The following NELFA variants were observed in gnomAD, a reference collection of about 807,000 sequenced individuals.
NELFA encodes the protein negative elongation factor A.
A neutral mutation model predicts 51.8 loss-of-function variants in NELFA; 35 were observed. The observed-to-expected ratio is 0.68, with a 90% CI of 0.52 to 0.90. The LOEUF (loss-of-function observed/expected upper bound fraction) is 0.90. NELFA is among the 40% of genes least tolerant of loss of function. The pLI, the probability that NELFA is intolerant of heterozygous loss-of-function variation, is 0.00. For missense variants in NELFA, 658 were observed against 746.4 expected (o/e 0.88, Z 1.38); for synonymous variants, 417 against 338.4 (o/e 1.23, Z -2.55).
chr4:1,997,112 AAAAC>A (rs1227282899), intron 1 of NELFA, among the ~76,000 whole-genome samples: 1 of 152,152 alleles, frequency 6.6e-6, no homozygotes, highest in East Asian at 1.9e-4. Context: ...ACTATGCATT[AAAAC>A]AAACAAAAAA....
At position 1,989,733 on chromosome 4, in the gene NELFA, C is replaced by A. The variant is rs1325336074; in HGVS notation, c.519G>T (p.Thr173=). 3.0e-5 allele frequency: 48 copies of A among 1,613,920 alleles called. No individual in the cohort carries two copies. Among genetic ancestry groups the A allele is most frequent in the East Asian group, 6.7e-5 (3 of 44,902 alleles). Reference sequence around the variant, plus strand: ...ACTTCTGCAGCAGCTCCGCCCGCAGCGTGGCGCTCTTGGGTTTCCGCTTTA... The same window carrying A: ...ACTTCTGCAGCAGCTCCGCCCGCAGAGTGGCGCTCTTGGGTTTCCGCTTTA... ...FQLKRKPKSA[T]LRAELLQKST... The change falls in exon 3 of 11, where the codon ACG becomes ACT. Residue 173 remains threonine, a synonymous_variant. Coordinates refer to ENST00000382882, the MANE Select transcript of NELFA (RefSeq NM_005663.5). This position sits in a 1 kb window ranked among gnomAD's most constrained non-coding sequence, Gnocchi z 4.8.
At chr4:1,988,946 GTTTTT>G (rs35323893) in intron 3 of NELFA, among the ~76,000 whole-genome samples, 2 of 136,680 alleles carry the variant, frequency 1.5e-5, no homozygotes, top group African/African-American at 2.7e-5. Context: ...AAGTTGGTGG[GTTTTT>G]TTTTTTTTTT....
At chr4:1,998,462 C>G (rs1051740580) in intron 1 of NELFA, among the ~76,000 whole-genome samples, 3 of 152,114 alleles carry the variant, frequency 2.0e-5, no homozygotes, top group African/African-American at 7.2e-5. Flanking sequence ...CATAAATGAC[C>G]TGATGAAGCT....
intron 1 of NELFA, among the ~76,000 whole-genome samples, chr4:1,996,718 G>A (rs1728432541): frequency 6.6e-6 from 1 of 152,226 alleles, no homozygotes. Flanking sequence ...GATCACTTGA[G>A]GTCAGGAGCT....
In NELFA at chr4:1,986,097, C is replaced by T; in HGVS notation, c.835+17G>A. 6.5e-7 allele frequency: 1 copy of T among 1,549,580 alleles called. No homozygotes were observed. The highest frequency in any genetic ancestry group is 1.2e-5 in the South Asian group (1 of 84,004). On this transcript the variant is annotated intron_variant, in intron 6 of 10. Coordinates refer to ENST00000382882, the MANE Select transcript of NELFA (RefSeq NM_005663.5). ...AGGGACCCCCATTGCCGCCGACACG[C>T]AGGCCCCAACCCCCACCGAGAGTCT... is the stretch of plus-strand genomic sequence containing the variant.
intron 1 of NELFA, among the ~76,000 whole-genome samples, chr4:1,999,376 T>C (rs989140109): frequency 6.6e-6 from 1 of 151,928 alleles, no homozygotes; most frequent in Non-Finnish European, 1.5e-5. Flanking sequence ...TCAAGACCCA[T>C]TGGTGTGCTG....
intron 1 of NELFA, among the ~76,000 whole-genome samples, chr4:1,992,996 G>C (rs1011235322): frequency 6.6e-6 from 1 of 152,206 alleles, no homozygotes; most frequent in Non-Finnish European, 1.5e-5. Context: ...CGAGCTGAGT[G>C]CGCGATGCGG....
chr4:1,985,417 T>A (rs1459907257), intron 7 of NELFA, among the ~76,000 whole-genome samples: 1 of 152,030 alleles, frequency 6.6e-6, no homozygotes, highest in Non-Finnish European at 1.5e-5. Flanking sequence ...CACTGAGGCC[T>A]CTGACCACCC....
intron 7 of NELFA, 68 bp from the exon 8 acceptor site, chr4:1,984,987 C>T (rs1437800605): frequency 1.4e-5 from 16 of 1,151,912 alleles, no homozygotes; most frequent in African/African-American, 7.7e-5. Flanking sequence ...ACACATGGCC[C>T]GACCCGGAGC....
In NELFA at chr4:1,985,833, C is replaced by T. The variant is rs1274225653; in HGVS notation, c.867G>A (p.Glu289=). 1.2e-6 allele frequency: 2 copies of T among 1,613,370 alleles called. No homozygotes were observed. The highest frequency in any genetic ancestry group is 1.1e-5 in the South Asian group (1 of 91,026). The part of the protein sequence containing the change: ...DAEVVEKPAK[E]ETVVENATPD... ...GGGTGGCGTTCTCCACCACCGTTTC[C>T]TCCTTGGCCGGCTTCTCCACCACCT... Residue 289 remains glutamate (E), a synonymous_variant, in exon 7 of 11, where the codon GAG becomes GAA. Transcript: ENST00000382882.
intron 2 of NELFA, chr4:1,990,594 G>A (rs527532158): frequency 1.9e-4 from 83 of 445,444 alleles, no homozygotes; most frequent in African/African-American, 1.4e-3. Flanking sequence ...ACTTGCAGGG[G>A]GGTGGCCAGC....
chr4:1,992,502 C>A (rs1378038836), intron 1 of NELFA: 2 of 427,422 alleles, frequency 4.7e-6, no homozygotes, highest in Admixed American at 5.2e-5. Flanking sequence ...GCCTGTGCCT[C>A]TGCCATGCGC....
rs771913765 is a variant in NELFA at position 1,983,949 on chromosome 4, G to A, written c.1201C>T (p.Pro401Ser). ...GTCTGAGTGGTAGGGGCGACAGCCG[G>A]AGGTGTGGTGGGTGTCAGAGGCGAG... ...PTSPLTPTTP[P>S]AVAPTTQTPP... The change falls in exon 9 of 11, where the codon CCG becomes TCG. Residue 401 changes from proline (P) to serine (S), a missense_variant. Coordinates refer to ENST00000382882, the MANE Select transcript of NELFA (RefSeq NM_005663.5). 3 of 1,611,708 alleles carry A rather than the reference G, an allele frequency of 1.9e-6. No individual in the cohort carries two copies. The highest frequency in any genetic ancestry group is 1.7e-5 in the Admixed American group (1 of 59,868).
At chr4:1,998,235 T>C (rs1241516149) in intron 1 of NELFA, among the ~76,000 whole-genome samples, 1 of 151,950 alleles carries the variant, frequency 6.6e-6, no homozygotes, top group Admixed American at 6.6e-5. Context: ...GAGTGCCTCT[T>C]CTCCTCCAAA....
At position 1,983,398 on chromosome 4, in the gene NELFA, T is replaced by C; in HGVS notation, c.1508A>G (p.Asp503Gly). 6.2e-7 allele frequency: 1 copy of C among 1,614,208 alleles called. No individual in the cohort carries two copies. Among genetic ancestry groups the C allele is most frequent in the South Asian group, 1.1e-5 (1 of 91,090 alleles). Reference sequence around the variant, plus strand: ...GGCATAGTTCATCTCAAACACTGTGTCCACCAGCATGGTTGTGCTACCCTG... The same window carrying C: ...GGCATAGTTCATCTCAAACACTGTGCCCACCAGCATGGTTGTGCTACCCTG... ...DGQGSTTMLV[D>G]TVFEMNYATG... The change falls in exon 11 of 11, where the codon GAC (aspartate) becomes GGC (glycine). Residue 503 changes from aspartate to glycine, a missense_variant. Physicochemically the swap from Asp to Gly is moderately conservative, Grantham distance 94. Transcript: ENST00000382882.
chr4:1,990,200 A>G (rs1728231423), intron 2 of NELFA: 1 of 414,984 alleles, frequency 2.4e-6, no homozygotes, highest in South Asian at 2.1e-5. Context: ...TGAAATGTTA[A>G]CAGATCCCAC....
chr4:1,983,324 A>G lies in NELFA; in HGVS notation c.1582T>C (p.Ser528Pro). The change falls in exon 11 of 11, where the codon TCC (serine) becomes CCC (proline). Residue 528 changes from serine to proline, a missense_variant. By Grantham distance (74) the Ser-to-Pro change is moderately conservative (BLOSUM62 -1). Transcript: ENST00000382882. ...FKKYKPMTNV[S>P] ...CAGCTGTGAGGCAGGTGGTTCTAGG[A>G]CACATTGGTCATGGGCTTGTACTTC... 1 of 1,613,888 alleles carries G rather than the reference A, an allele frequency of 6.2e-7. No individual in the cohort carries two copies. Among genetic ancestry groups the G allele is most frequent in the Non-Finnish European group, 8.5e-7 (1 of 1,179,894 alleles).
chr4:2,007,437 G>A (rs1306886671), intron 1 of NELFA, among the ~76,000 whole-genome samples: 1 of 152,142 alleles, frequency 6.6e-6, no homozygotes, highest in Non-Finnish European at 1.5e-5. Flanking sequence ...GGAATACCAC[G>A]CAGCAGTGAA....
At chr4:1,991,932 C>T in intron 1 of NELFA, 2 of 494,896 alleles carry the variant, frequency 4.0e-6, no homozygotes, top group Non-Finnish European at 7.1e-6. Context: ...TTGCAAGGCC[C>T]CGGCATCCGG....
Sources: gnomAD v4.1 joint callset for allele counts (sites outside exome capture counted in the v4.1 genomes callset) on GRCh38, gnomAD v4.1.1 for gene constraint, Gnocchi (gnomAD v3.1) non-coding constraint, MANE v1.5 for transcripts, NCBI Gene and HGNC (gene_info 2026-07-23, HGNC 2026-07-21) for gene names.